The following ANO1 variants were observed in gnomAD, a reference collection of about 807,000 sequenced individuals.
ANO1 encodes anoctamin-1.
A neutral mutation model predicts 124.0 loss-of-function variants in ANO1; 59 were observed. The observed-to-expected ratio is 0.48, with a 90% CI of 0.39 to 0.59. ANO1 has a LOEUF of 0.59. ANO1 is among the 20% of genes least tolerant of loss of function. ANO1 has a pLI of 0.00. For missense variants in ANO1, 1,059 were observed against 1,328.0 expected (o/e 0.80, Z 3.15); for synonymous variants, 529 against 532.0 (o/e 0.99, Z 0.08).
Position 70,052,531 on chromosome 11 carries a change from C to CTTTTTTTTTTTTTTTTT in ANO1, c.59-25989_59-25973dup, listed in dbSNP as rs200770702. On this transcript the variant is annotated intron_variant, in intron 1 of 27. Coordinates refer to the ANO1 transcript ENST00000531349. The stretch of plus-strand genomic sequence containing the variant: ...TTTGGGGAGAATTTCTTTTTCTTTT[C>CTTTTTTTTTTTTTTTTT]TTTTTTTTTTTTTTTTTTTTTTTTT... 4.6e-4 allele frequency among the ~76,000 whole-genome samples: 30 copies of CTTTTTTTTTTTTTTTTT among 65,896 alleles called. 4 individuals carry two copies. The highest frequency in any genetic ancestry group is 1.1e-3 in the Admixed American group (7 of 6,322). 43.2% of individuals were successfully genotyped at this position (65,896 alleles called of 152,430 possible).
At chr11:70,095,493 A>G (rs1215605157) in intron 2 of ANO1, among the ~76,000 whole-genome samples, 1 of 152,266 alleles carries the variant, frequency 6.6e-6, no homozygotes. Context: ...ATGTTTTTAA[A>G]GTGACCCCAA....
At chr11:69,973,326 A>T in the ANO1 span, among the ~76,000 whole-genome samples, 487 of 152,328 alleles carry the variant, frequency 3.2e-3, 5 homozygotes, top group African/African-American at 0.011. Context: ...TTTTCTTAAA[A>T]GCAGAGACTT....
At chr11:70,090,140 C>T (rs11233699) in intron 2 of ANO1, among the ~76,000 whole-genome samples, 17,158 of 152,158 alleles carry the variant, frequency 0.11, 1,121 homozygotes, top group East Asian at 0.25. Flanking sequence ...CCTGCCTCAG[C>T]GGGACTACAG....
chr11:69,998,934 G>A (rs552423432), intron 1 of ANO1, among the ~76,000 whole-genome samples: 8 of 151,356 alleles, frequency 5.3e-5, no homozygotes, highest in African/African-American at 9.7e-5. Flanking sequence ...GGCAACAAGA[G>A]CAAAACTCTG....
At chr11:70,125,701 G>A (rs1367324121) in intron 9 of ANO1, among the ~76,000 whole-genome samples, 3 of 151,084 alleles carry the variant, frequency 2.0e-5, no homozygotes, top group Admixed American at 6.6e-5. Context: ...AAAATTAGCC[G>A]GGCGTGGTGG....
At chr11:70,109,082 T>A (rs938788738) in intron 6 of ANO1, among the ~76,000 whole-genome samples, 1 of 152,120 alleles carries the variant, frequency 6.6e-6, no homozygotes, top group African/African-American at 2.4e-5. Context: ...TTTCCTCCCC[T>A]CCTTCTTGAG....
intron 1 of ANO1, among the ~76,000 whole-genome samples, chr11:70,008,401 T>C (rs1856531789): frequency 1.3e-5 from 2 of 152,232 alleles, no homozygotes; most frequent in Non-Finnish European, 2.9e-5. Flanking sequence ...CTTTAATCCA[T>C]TTTGAGTTCA....
chr11:70,178,934 A>G (rs1042279851), intron 22 of ANO1, among the ~76,000 whole-genome samples: 1 of 152,248 alleles, frequency 6.6e-6, no homozygotes, highest in African/African-American at 2.4e-5. Context: ...GGCTGGGGCC[A>G]GGGAGCAAGA....
At chr11:70,089,210 G>A (rs1036546886) in intron 2 of ANO1, among the ~76,000 whole-genome samples, 6 of 152,174 alleles carry the variant, frequency 3.9e-5, no homozygotes, top group Admixed American at 1.3e-4. Flanking sequence ...AAAACACATC[G>A]AAAACAGAAA....
intron 16 of ANO1, among the ~76,000 whole-genome samples, chr11:70,157,979 C>CAAAA (rs548012147): frequency 5.4e-5 from 4 of 74,286 alleles, no homozygotes; most frequent in African/African-American, 1.1e-4. Flanking sequence ...GACCCTGTCT[C>CAAAA]AAAAAAAAAA....
intron 21 of ANO1, chr11:70,170,283 G>T (rs969937928): frequency 2.6e-6 from 1 of 380,014 alleles, no homozygotes; most frequent in Middle Eastern, 9.2e-4. Context: ...GCTCACGATG[G>T]TCCTTTTCCT....
At chr11:70,086,424 G>A (rs989345851) in intron 1 of ANO1, among the ~76,000 whole-genome samples, 6 of 152,154 alleles carry the variant, frequency 3.9e-5, no homozygotes, top group African/African-American at 1.4e-4. Flanking sequence ...TGGCCCCCTA[G>A]AGTCCTTCAA....
At chr11:70,172,735 G>A (rs1038456981) in intron 22 of ANO1, among the ~76,000 whole-genome samples, 2 of 151,978 alleles carry the variant, frequency 1.3e-5, no homozygotes, top group African/African-American at 4.8e-5. Flanking sequence ...CAGGTGTGGT[G>A]GGAGCCTGTA....
At chr11:70,004,695 T>G (rs1856451442) in intron 1 of ANO1, among the ~76,000 whole-genome samples, 1 of 152,268 alleles carries the variant, frequency 6.6e-6, no homozygotes, top group Admixed American at 6.5e-5. Flanking sequence ...GTGGCTGCCC[T>G]GCTTTCTTCT....
chr11:70,176,608 A>G (rs997296984), intron 22 of ANO1, among the ~76,000 whole-genome samples: 1 of 152,112 alleles, frequency 6.6e-6, no homozygotes, highest in Non-Finnish European at 1.5e-5. Flanking sequence ...TATCAGACTC[A>G]AGGTCTGTGT....
chr11:70,162,718 AGGGTCCC>A (rs2048105415), intron 18 of ANO1, among the ~76,000 whole-genome samples: 1 of 150,156 alleles, frequency 6.7e-6, no homozygotes, highest in South Asian at 2.1e-4. Flanking sequence ...CTCCTGGCCC[AGGGTCCC>A]AGGGCCCCGC....
chr11:69,992,515 G>A (rs1230624397), intron 1 of ANO1, among the ~76,000 whole-genome samples: 1 of 152,140 alleles, frequency 6.6e-6, no homozygotes, highest in Non-Finnish European at 1.5e-5. Context: ...ATCAGGATGG[G>A]CCAGCCACAC....
At chr11:70,076,196 G>A (rs975453905), upstream of ANO1, among the ~76,000 whole-genome samples, 5 of 152,212 alleles carry the variant, frequency 3.3e-5, no homozygotes, top group African/African-American at 1.2e-4. Context: ...AGTCTTACAG[G>A]CAAGCAGATG....
upstream of ANO1, among the ~76,000 whole-genome samples, chr11:69,982,046 T>G (rs1591014629): frequency 1.3e-5 from 2 of 151,294 alleles, no homozygotes; most frequent in Admixed American, 6.6e-5. Context: ...AGATGGGGAG[T>G]GACTGCTAGC....
Sources: gnomAD v4.1 joint callset for allele counts (sites outside exome capture counted in the v4.1 genomes callset) on GRCh38, gnomAD v4.1.1 for gene constraint, MANE v1.5 for transcripts, NCBI Gene and HGNC (gene_info 2026-07-23, HGNC 2026-07-21) for gene names.